The following ABCG8 variants were observed in gnomAD, a reference collection of about 807,000 sequenced individuals.
ABCG8 encodes ATP-binding cassette sub-family G member 8.
ABCG8 carries 81 observed loss-of-function variants against 71.3 expected under a neutral mutation model. The observed-to-expected ratio is 1.14, with a 90% CI of 0.95 to 1.37. ABCG8 has a LOEUF of 1.37. ABCG8 is among the 40% of genes most tolerant of loss of function. ABCG8 has a pLI of 0.00. For synonymous variants in ABCG8, 451 were observed against 354.7 expected (o/e 1.27, Z -3.05); for missense variants, 1,119 against 866.2 (o/e 1.29, Z -3.66).
chr2:43,860,312 C>T (rs1669264505), intron 6 of ABCG8, among the ~76,000 whole-genome samples: 1 of 150,742 alleles, frequency 6.6e-6, no homozygotes, highest in Non-Finnish European at 1.5e-5. Context: ...CACTATCTTC[C>T]TGGACGGAAC....
rs113814498 is a variant in ABCG8, at chr2:43,851,917, G to T, written c.561+95G>T. ...TGCTGCCTTGCCTCAGGACCCAGCC[G>T]CAGGTCGAGTTTGAACAACTCAGCT... On this transcript the variant is annotated intron_variant, in intron 4 of 12. Coordinates refer to ENST00000272286, the MANE Select transcript of ABCG8 (RefSeq NM_022437.3). 51 of 1,407,102 alleles carry T rather than the reference G, an allele frequency of 3.6e-5. No individual in the cohort carries two copies. In the Middle Eastern group the frequency reaches 9.6e-4, roughly 26 times the overall value. The allele number at this position is 1,407,102 out of a possible 1,614,324, so 87.2% of individuals were successfully genotyped here.
At chr2:43,842,853 T>C (rs1299394606) in intron 1 of ABCG8, among the ~76,000 whole-genome samples, 1 of 152,190 alleles carries the variant, frequency 6.6e-6, no homozygotes, top group Non-Finnish European at 1.5e-5. Context: ...TTTCGTCTGC[T>C]GTTTTTCATA....
At chr2:43,872,194 A>G (rs373153710) in intron 7 of ABCG8, 29 bp from the exon 8 acceptor site, 19 of 1,613,872 alleles carry the variant, frequency 1.2e-5, no homozygotes, top group South Asian at 4.4e-5. Flanking sequence ...GGCTGCCCCC[A>G]TGACCTGGCC....
At chr2:43,848,251 CA>C (rs1668807859) in intron 3 of ABCG8, 1 of 152,242 alleles carries the variant, frequency 6.6e-6, no homozygotes, top group Non-Finnish European at 1.5e-5. Context: ...GAGGCTCCCC[CA>C]AGCAATTTGG....
intron 6 of ABCG8, among the ~76,000 whole-genome samples, chr2:43,870,871 T>G (rs1266065904): frequency 6.6e-6 from 1 of 151,372 alleles, no homozygotes; most frequent in East Asian, 2.0e-4. Context: ...TCACTCTCTG[T>G]CTCATTAGAT....
In ABCG8 at chr2:43,852,652, A is replaced by T. The variant is rs1220135998; in HGVS notation, c.748A>T (p.Asn250Tyr). 1 of 1,614,128 alleles carries T rather than the reference A, an allele frequency of 6.2e-7. No homozygotes were observed. The highest frequency in any genetic ancestry group is 1.7e-5 in the Admixed American group (1 of 59,994). The change falls in exon 6 of 13, where the codon AAC becomes TAC. Residue 250 changes from asparagine (N) to tyrosine (Y), a missense_variant. Transcript: ENST00000272286. ...TGGGCTCGACAGCTTCACAGCCCACAACCTGGTGAAGACCTTGTCCAGGCT... is the reference window on the plus strand; with the variant it reads ...TGGGCTCGACAGCTTCACAGCCCACTACCTGGTGAAGACCTTGTCCAGGCT... ...TSGLDSFTAH[N>Y]LVKTLSRLAK...
rs937532657 is a variant in ABCG8 at position 43,875,164 on chromosome 2, G to A, written c.1507G>A (p.Glu503Lys). 9 of 1,614,084 alleles carry A rather than the reference G, an allele frequency of 5.6e-6. No homozygotes were observed. The African/African-American group carries it at 1.1e-4, about 19-fold the overall frequency. ...FFAKILGELPEHCAYIIIYGM... is the reference protein window; with the variant it reads ...FFAKILGELPKHCAYIIIYGM... ...TTTGCAGATCCTCGGGGAGCTTCCG[G>A]AGCACTGTGCCTACATCATCATCTA... The change falls in exon 11 of 13, where the codon GAG (glutamate) becomes AAG (lysine). Residue 503 changes from glutamate to lysine, a missense_variant. Coordinates refer to ENST00000272286, the MANE Select transcript of ABCG8 (RefSeq NM_022437.3).
intron 6 of ABCG8, among the ~76,000 whole-genome samples, chr2:43,854,793 C>G (rs1384344960): frequency 6.6e-6 from 1 of 152,124 alleles, no homozygotes; most frequent in Non-Finnish European, 1.5e-5. Flanking sequence ...TGGCTGGGCT[C>G]AGTTTGCCTT....
At position 43,844,588 on chromosome 2, in the gene ABCG8, G is replaced by T. The variant is rs1383825918; in HGVS notation, c.145G>T (p.Val49Phe). Residue 49 changes from valine (V) to phenylalanine (F), a missense_variant, in exon 2 of 13, where the codon GTC becomes TTC. Val to Phe is a conservative substitution (Grantham distance 50). Transcript: ENST00000272286. ...TYSGQPNTLE[V>F]RDLNYQVDLA... ...CAGTGGCCAGCCCAACACCCTGGAG[G>T]TCAGAGACCTCAACTACCAGGTAGA... is the stretch of plus-strand genomic sequence containing the variant. The T allele has an allele frequency of 6.2e-7, 1 of 1,614,070 alleles. No individual in the cohort carries two copies. Among genetic ancestry groups the T allele is most frequent in the Non-Finnish European group, 8.5e-7 (1 of 1,179,946 alleles).
Position 43,851,609 on chromosome 2 carries a change from T to C in ABCG8, c.348T>C (p.Asp116=). The C allele has an allele frequency of 6.2e-7, 1 of 1,614,198 alleles. No individual in the cohort carries two copies. Among genetic ancestry groups the C allele is most frequent in the Non-Finnish European group, 8.5e-7 (1 of 1,180,022 alleles). ...SSGCGRASLL[D]VITGRGHGGK... is the part of the protein sequence containing the mutation. The stretch of plus-strand genomic sequence containing the variant: ...GTTGTGGGAGAGCCTCCTTGCTAGA[T>C]GTGATCACTGGCCGAGGTCACGGCG... Residue 116 remains aspartate, a synonymous_variant, in exon 4 of 13, where the codon GAT becomes GAC. Transcript: ENST00000272286.
At chr2:43,858,681 A>G (rs551005316) in intron 6 of ABCG8, among the ~76,000 whole-genome samples, 28 of 151,166 alleles carry the variant, frequency 1.9e-4, no homozygotes, top group African/African-American at 6.5e-4. Flanking sequence ...TAGATTTCTC[A>G]CACTCTGGTT....
Position 43,877,856 on chromosome 2 carries a change from G to C in ABCG8, c.1965G>C (p.Met655Ile), listed in dbSNP as rs1451433637. 5.6e-6 allele frequency: 9 copies of C among 1,614,084 alleles called. No individual in the cohort carries two copies. The highest frequency in any genetic ancestry group is 7.6e-6 in the Non-Finnish European group (9 of 1,180,026). Residue 655 changes from methionine to isoleucine, a missense_variant, in exon 13 of 13, where the codon ATG becomes ATC. Physicochemically the swap from Met to Ile is conservative, Grantham distance 10. Transcript: ENST00000272286. ...TCATTGGCCTCAGCGGTGGCTTCAT[G>C]GTCCTGTACTACGTGTCCTTAAGGT... Reference protein sequence around the residue: ...LIVIGLSGGFMVLYYVSLRFI... With the variant: ...LIVIGLSGGFIVLYYVSLRFI...
chr2:43,875,295 C>A lies in ABCG8; in HGVS notation c.1638C>A (p.Ala546=). 1 of 1,614,204 alleles carries A rather than the reference C, an allele frequency of 6.2e-7. No homozygotes were observed. The highest frequency in any genetic ancestry group is 8.5e-7 in the Non-Finnish European group (1 of 1,180,034). The change falls in exon 11 of 13, where the codon GCC becomes GCA. Residue 546 remains alanine (A), a synonymous_variant. Transcript: ENST00000272286. The stretch of plus-strand genomic sequence containing the variant: ...TGGTCTTCTGTTGCAGGATTATGGC[C>A]CTGGCCGCCGCGGCCCTGCTCCCCA... ...WLVVFCCRIM[A]LAAAALLPTF...
chr2:43,856,075 C>T (rs1669094835), intron 6 of ABCG8, among the ~76,000 whole-genome samples: 1 of 145,638 alleles, frequency 6.9e-6, no homozygotes. Context: ...GAATTCTCAC[C>T]CTCTGGATAC....
chr2:43,882,600 T>C lies in ABCG8; in HGVS notation c.*4687T>C, dbSNP rs1415160422. ...TAGATAATTCAGATTTCAAGTCATC[T>C]GTCATTCGTACTTGATAATGATTTG... On this transcript the variant is annotated 3_prime_UTR_variant, in exon 13 of 13. Coordinates refer to ENST00000272286, the MANE Select transcript of ABCG8 (RefSeq NM_022437.3). 1 of 152,280 alleles carries C rather than the reference T, an allele frequency of 6.6e-6. No homozygotes were observed. The highest frequency in any genetic ancestry group is 3.2e-3 in the Middle Eastern group (1 of 316). 9.4% of individuals were successfully genotyped at this position (152,280 alleles called of 1,614,324 possible). A position where few individuals can be genotyped will look rare whatever the true frequency, so the allele number is the denominator to read the frequency against.
intron 6 of ABCG8, among the ~76,000 whole-genome samples, chr2:43,863,412 G>A (rs369160488): frequency 2.0e-5 from 3 of 151,170 alleles, no homozygotes; most frequent in Non-Finnish European, 4.4e-5. Context: ...CATCTAGAGA[G>A]AATTCCCATC....
chr2:43,846,652 G>GC (rs926051218), intron 3 of ABCG8: 5 of 361,758 alleles, frequency 1.4e-5, no homozygotes, highest in Non-Finnish European at 2.7e-5. Context: ...GCCATGAGGG[G>GC]CATTGGTTCA....
intron 6 of ABCG8, among the ~76,000 whole-genome samples, chr2:43,861,286 C>G (rs1022864487): frequency 2.6e-5 from 4 of 151,240 alleles, no homozygotes; most frequent in African/African-American, 9.7e-5. Flanking sequence ...TGCTCACTAT[C>G]TGTATAGAAT....
In ABCG8 at chr2:43,846,178, T is replaced by C. The variant is rs1668737052; in HGVS notation, c.189T>C (p.Pro63=). The C allele has an allele frequency of 1.2e-6, 2 of 1,613,694 alleles. No homozygotes were observed. Among genetic ancestry groups the C allele is most frequent in the South Asian group, 2.2e-5 (2 of 91,064 alleles). ...AGGTGGACCTGGCCTCTCAGGTCCC[T>C]TGGTTTGAGCAGCTGGCTCAGTTCA... The part of the protein sequence containing the change: ...NYQVDLASQV[P]WFEQLAQFKM... Residue 63 remains proline, a synonymous_variant, in exon 3 of 13, where the codon CCT becomes CCC. Transcript: ENST00000272286.
Sources: gnomAD v4.1 joint callset for allele counts (sites outside exome capture counted in the v4.1 genomes callset) on GRCh38, gnomAD v4.1.1 for gene constraint, MANE v1.5 for transcripts, NCBI Gene and HGNC (gene_info 2026-07-23, HGNC 2026-07-21) for gene names.